The following VSIG10L variants were observed in gnomAD, a reference collection of about 807,000 sequenced individuals.
VSIG10L encodes V-set and immunoglobulin domain-containing protein 10-like.
A neutral mutation model predicts 67.3 loss-of-function variants in VSIG10L; 63 were observed. That is an observed-to-expected ratio of 0.94 (90% CI 0.76 to 1.15). VSIG10L has a LOEUF of 1.15. VSIG10L is among the 50% of genes most tolerant of loss of function. The pLI, the probability that VSIG10L is intolerant of heterozygous loss-of-function variation, is 0.00. For synonymous variants in VSIG10L, 499 were observed against 524.9 expected, an observed-to-expected ratio of 0.95 and a Z score of 0.67; for missense variants, 1,050 against 1,177.5, an observed-to-expected ratio of 0.89 and a Z score of 1.58.
rs756431754 is a variant in VSIG10L, at chr19:51,340,499, G to C, written c.1123C>G (p.Arg375Gly). 1.0e-5 allele frequency: 16 copies of C among 1,529,572 alleles called. No homozygotes were observed. Among genetic ancestry groups the C allele is most frequent in the African/African-American group, 1.4e-5 (1 of 72,532 alleles). 94.8% of individuals were successfully genotyped at this position (1,529,572 alleles called of 1,614,324 possible). The stretch of plus-strand genomic sequence containing the variant: ...GGGCTGCGGACGCGGCAAGTGTACC[G>C]GGCGTGGTCGCTGCGCACAGGGCGC... ...IVRPVRSDHA[R>G]YTCRVRSPFG... The change falls in exon 3 of 10, where the codon CGG becomes GGG. Residue 375 changes from arginine (R) to glycine (G), a missense_variant. Transcript: ENST00000335624. This position sits in a 1 kb window ranked among gnomAD's most constrained non-coding sequence, Gnocchi z 6.3.
chr19:51,341,131 C>T (rs1599835349), intron 2 of VSIG10L, 22 bp downstream of exon 2: 4 of 1,483,142 alleles, frequency 2.7e-6, no homozygotes, highest in African/African-American at 1.4e-5. Context: ...CGCCTGCACG[C>T]CGGACGCCAG....
intron 6 of VSIG10L, 46 bp downstream of exon 6, chr19:51,337,884 G>C: frequency 6.7e-7 from 1 of 1,498,994 alleles, no homozygotes; most frequent in Non-Finnish European, 8.9e-7. Context: ...GGGCTGGAGC[G>C]GCTGGGGACG....
chr19:51,338,323 T>A, intron 5 of VSIG10L, 115 bp from the exon 6 acceptor site: 1 of 1,199,126 alleles, frequency 8.3e-7, no homozygotes. Flanking sequence ...TTTGGCCACC[T>A]GAGAAAGAAC....
chr19:51,338,023 T>C lies in VSIG10L; in HGVS notation c.1915A>G (p.Ile639Val), dbSNP rs1158624865. 8.4e-6 allele frequency: 13 copies of C among 1,551,574 alleles called. No individual in the cohort carries two copies. The highest frequency in any genetic ancestry group is 1.7e-4 in the Middle Eastern group (1 of 6,014). The change falls in exon 6 of 10, where the codon ATC becomes GTC. Residue 639 changes from isoleucine to valine, a missense_variant. Physicochemically the swap from Ile to Val is conservative, Grantham distance 29 (BLOSUM62 3). Transcript: ENST00000335624. ...TCCCAATCCAGGCTGAAGTTGCCGA[T>C]GTGGAGTTTCCGCCCATCTTGACTG... ...RLSQDGRKLH[I>V]GNFSLDWDLG...
Position 51,341,328 on chromosome 19 carries a change from T to G in VSIG10L, c.720A>C (p.Pro240=). 2 of 1,543,116 alleles carry G rather than the reference T, an allele frequency of 1.3e-6. No individual in the cohort carries two copies. Among genetic ancestry groups the G allele is most frequent in the Non-Finnish European group, 8.7e-7 (1 of 1,146,596 alleles). The change falls in exon 2 of 10, where the codon CCA becomes CCC. Residue 240 remains proline, a synonymous_variant. Coordinates refer to ENST00000335624, the MANE Select transcript of VSIG10L (RefSeq NM_001163922.3). The stretch of plus-strand genomic sequence containing the variant: ...GGTCCAGGCTGATCAGAGGTGCCCC[T>G]GGCCCCAGGCCCCCAGCTGCCAGCA... ...SKVLAAGGLG[P]GAPLISLDPA... is the part of the protein sequence containing the mutation.
Position 51,340,584 on chromosome 19 carries a change from C to T in VSIG10L, c.1038G>A (p.Ala346=). 3 of 1,535,376 alleles carry T rather than the reference C, an allele frequency of 2.0e-6. No individual in the cohort carries two copies. Among genetic ancestry groups the T allele is most frequent in the South Asian group, 1.2e-5 (1 of 83,976 alleles). The change falls in exon 3 of 10, where the codon GCG becomes GCA. Residue 346 remains alanine, a synonymous_variant. Transcript: ENST00000335624. The surrounding 1 kb of genome is among the most constrained non-coding windows in gnomAD (Gnocchi z 6.3). The part of the protein sequence containing the change: ...WSRDGRALEA[A]ESEGAETPRM... ...GGGGCGTCTCGGCTCCCTCCGATTC[C>T]GCCGCCTCCAGGGCGCGTCCGTCCC...
intron 9 of VSIG10L, 29 bp from the exon 10 acceptor site, chr19:51,332,669 A>T: frequency 6.5e-7 from 1 of 1,546,530 alleles, no homozygotes; most frequent in Non-Finnish European, 8.7e-7. Flanking sequence ...GTGAGGGGAG[A>T]ACTCAGTAGG....
intron 9 of VSIG10L, 144 bp downstream of exon 9, chr19:51,333,647 C>G (rs1985409009): frequency 1.0e-6 from 1 of 973,432 alleles, no homozygotes. Context: ...AACTTTGATG[C>G]ATTTTTAAAA....
chr19:51,339,459 T>C (rs1369039089), intron 4 of VSIG10L, among the ~76,000 whole-genome samples: 2 of 152,078 alleles, frequency 1.3e-5, no homozygotes, highest in African/African-American at 2.4e-5. Flanking sequence ...CCCTCCTGGA[T>C]TGCACTCCGA....
At chr19:51,333,221 A>G (rs944559012) in intron 9 of VSIG10L, among the ~76,000 whole-genome samples, 5 of 152,000 alleles carry the variant, frequency 3.3e-5, no homozygotes, top group African/African-American at 1.2e-4. Flanking sequence ...GCCTTGCCCA[A>G]TTTTTATGGG....
rs781504473 is a variant in VSIG10L at position 51,341,982 on chromosome 19, G to C, written c.66C>G (p.Leu22=). 10 of 1,551,756 alleles carry C rather than the reference G, an allele frequency of 6.4e-6. No individual in the cohort carries two copies. The highest frequency in any genetic ancestry group is 8.7e-6 in the Non-Finnish European group (10 of 1,146,980). Residue 22 remains leucine (L), a synonymous_variant, in exon 2 of 10, where the codon CTC becomes CTG. Coordinates refer to ENST00000335624, the MANE Select transcript of VSIG10L (RefSeq NM_001163922.3). ...LLASLVGILT[L]RASSGLQQTN... ...TTTGCTGAAGTCCAGAAGAGGCTCT[G>C]AGGGTGAGGATCCCTACCAAGGAGG...
rs1985370616 is a variant in VSIG10L at position 51,332,018 on chromosome 19, G to C, written c.*593C>G. 1 of 156,346 alleles carries C rather than the reference G, an allele frequency of 6.4e-6. No homozygotes were observed. The highest frequency in any genetic ancestry group is 6.3e-5 in the Admixed American group (1 of 15,928). 9.7% of individuals were successfully genotyped at this position (156,346 alleles called of 1,614,324 possible). ...CAAAATAAATTGTGGCTGAGAGACA[G>C]ACTGTGATACTGGAGTCCGGGGGCA... On this transcript the variant is annotated 3_prime_UTR_variant, in exon 10 of 10. Coordinates refer to ENST00000335624, the MANE Select transcript of VSIG10L (RefSeq NM_001163922.3).
In VSIG10L at chr19:51,337,805, G is replaced by A. The variant is rs1388215502; in HGVS notation, c.2008+125C>T. 6.3e-6 allele frequency: 8 copies of A among 1,260,372 alleles called. No individual in the cohort carries two copies. The Admixed American group carries it at 8.7e-5, about 14-fold the overall frequency. 78.1% of individuals were successfully genotyped at this position (1,260,372 alleles called of 1,614,324 possible). ...GGCCTGGACTCCAGGGTCTGAGGGA[G>A]GAGAGGCTGGGGGCCTGGATCCGAG... is the stretch of plus-strand genomic sequence containing the variant. On this transcript the variant is annotated intron_variant, in intron 6 of 9. Transcript: ENST00000335624.
Position 51,337,280 on chromosome 19 carries a change from CCCCCAGGATG to C in VSIG10L, c.2253_2262del (p.Ile752AlafsTer18). The stretch of plus-strand genomic sequence containing the variant: ...CTTTGTGATGGAGTCCCTGGCTGGC[CCCCCAGGATG>C]GGCAGGATCCGAAAGGTCCAGGTCC... On this transcript the variant is annotated frameshift_variant, in exon 7 of 10. Coordinates refer to ENST00000335624, the MANE Select transcript of VSIG10L (RefSeq NM_001163922.3). LOFTEE classifies it high-confidence loss of function. The C allele has an allele frequency of 6.4e-7, 1 of 1,550,932 alleles. No homozygotes were observed. Among genetic ancestry groups the C allele is most frequent in the Non-Finnish European group, 8.7e-7 (1 of 1,146,530 alleles).
chr19:51,338,558 A>C (rs913525708), intron 5 of VSIG10L, among the ~76,000 whole-genome samples: 1 of 151,922 alleles, frequency 6.6e-6, no homozygotes, highest in Non-Finnish European at 1.5e-5. Flanking sequence ...GAACTCCTAG[A>C]CTCAAGCAAT....
In VSIG10L at chr19:51,333,869, A is replaced by G. The variant is rs1355841838; in HGVS notation, c.2496T>C (p.Ser832=). ...VVTPSEKKMH[S]VTPVEISWPL... ...GCCATGAAATCTCCACTGGGGTCAC[A>G]CTATGCATCTTCTTTTCTGAGGGGG... Residue 832 remains serine, a synonymous_variant, in exon 9 of 10, where the codon AGT becomes AGC. Transcript: ENST00000335624. 2 of 1,551,592 alleles carry G rather than the reference A, an allele frequency of 1.3e-6. No individual in the cohort carries two copies. Among genetic ancestry groups the G allele is most frequent in the African/African-American group, 2.7e-5 (2 of 73,038 alleles).
In VSIG10L at chr19:51,341,334, C is replaced by T; in HGVS notation, c.714G>A (p.Leu238=). The part of the protein sequence containing the change: ...RGSKVLAAGG[L]GPGAPLISLD... ...GGCTGATCAGAGGTGCCCCTGGCCC[C>T]AGGCCCCCAGCTGCCAGCACCTTTG... Residue 238 remains leucine (L), a synonymous_variant, in exon 2 of 10, where the codon CTG becomes CTA. Coordinates refer to ENST00000335624, the MANE Select transcript of VSIG10L (RefSeq NM_001163922.3). 6.5e-7 allele frequency: 1 copy of T among 1,542,218 alleles called. No individual in the cohort carries two copies. The highest frequency in any genetic ancestry group is 8.7e-7 in the Non-Finnish European group (1 of 1,146,410).
chr19:51,334,463 CAT>C (rs1197228552), intron 7 of VSIG10L, among the ~76,000 whole-genome samples, 159 bp from the exon 8 acceptor site: 6 of 152,204 alleles, frequency 3.9e-5, no homozygotes, highest in African/African-American at 1.2e-4. Flanking sequence ...ACTCTCAACT[CAT>C]TTAACAGTTA....
chr19:51,340,207 A>G lies in VSIG10L; in HGVS notation c.1282T>C (p.Cys428Arg). 6.8e-7 allele frequency: 1 copy of G among 1,471,540 alleles called. No individual in the cohort carries two copies. Among genetic ancestry groups the G allele is most frequent in the Non-Finnish European group, 8.9e-7 (1 of 1,117,402 alleles). 91.2% of individuals were successfully genotyped at this position (1,471,540 alleles called of 1,614,324 possible). A position where few individuals can be genotyped will look rare whatever the true frequency, so the allele number is the denominator to read the frequency against. The stretch of plus-strand genomic sequence containing the variant: ...GCGGGCGGCCGCGAGGCGGCGGCGC[A>G]GCGCAAGGTCACGTTACTGCCCGCG... The part of the protein sequence containing the change: ...VTAGSNVTLR[C>R]AAASRPPADI... Residue 428 changes from cysteine to arginine, a missense_variant, in exon 4 of 10, where the codon TGC (cysteine) becomes CGC (arginine). By Grantham distance (180) the Cys-to-Arg change is radical. This residue lies in a region of VSIG10L where 511 missense variants were observed against 557.9 expected (regional missense o/e 0.92). Transcript: ENST00000335624. This position sits in a 1 kb window ranked among gnomAD's most constrained non-coding sequence, Gnocchi z 6.3.
Sources: gnomAD v4.1 joint callset for allele counts (sites outside exome capture counted in the v4.1 genomes callset) on GRCh38, gnomAD v4.1.1 for gene constraint, gnomAD v4.1.1 regional missense constraint, Gnocchi (gnomAD v3.1) non-coding constraint, MANE v1.5 for transcripts, NCBI Gene and HGNC (gene_info 2026-07-23, HGNC 2026-07-21) for gene names.